The following ATP11A variants were observed in gnomAD, a reference collection of about 807,000 sequenced individuals.
The protein encoded by ATP11A is phospholipid-transporting ATPase IH.
Under a neutral mutation model 154.4 loss-of-function variants are expected in ATP11A, and 81 were observed. The ratio of observed to expected loss-of-function variants is 0.52; its 90% CI spans 0.44 to 0.63. The LOEUF (loss-of-function observed/expected upper bound fraction) is 0.63, where lower values mean the gene tolerates loss of function less well. Among genes scored for constraint, ATP11A ranks in the 30% least tolerant of loss-of-function variants. The pLI, the probability that ATP11A is intolerant of heterozygous loss-of-function variation, is 0.00. For synonymous variants in ATP11A, 623 were observed against 585.9 expected, an observed-to-expected ratio of 1.06 and a Z score of -0.91; for missense variants, 1,316 against 1,474.3, an observed-to-expected ratio of 0.89 and a Z score of 1.76.
chr13:112,778,919 C>A (rs1431199771), intron 1 of ATP11A, among the ~76,000 whole-genome samples: 3 of 115,436 alleles, frequency 2.6e-5, no homozygotes, highest in African/African-American at 1.1e-4. Flanking sequence ...AGTGAGTAGC[C>A]GCTGGAGTGA....
intron 1 of ATP11A, among the ~76,000 whole-genome samples, chr13:112,719,266 T>C (rs1210234374): frequency 2.0e-5 from 3 of 152,236 alleles, no homozygotes; most frequent in Non-Finnish European, 2.9e-5. Context: ...GTTTCAGGTA[T>C]GCAAACTGCA....
chr13:112,788,257 C>A (rs905332936), intron 2 of ATP11A, among the ~76,000 whole-genome samples: 2 of 151,076 alleles, frequency 1.3e-5, no homozygotes, highest in Non-Finnish European at 2.9e-5. Context: ...CCTGTGGAGA[C>A]CTACTTAATT....
chr13:112,759,258 A>T lies in ATP11A; in HGVS notation c.40-25877A>T, dbSNP rs117393547. Reference sequence around the variant, plus strand: ...GGCCACATCCTGCAGCCCTCTGGTGAGGTTCTTCCTGTTGCGTGCTGGGGT... The same window carrying T: ...GGCCACATCCTGCAGCCCTCTGGTGTGGTTCTTCCTGTTGCGTGCTGGGGT... On this transcript the variant is annotated intron_variant, in intron 1 of 29. Coordinates refer to ENST00000375645, the MANE Select transcript of ATP11A (RefSeq NM_015205.3). Among the ~76,000 whole-genome samples, 199 of 152,182 alleles carry T rather than the reference A, an allele frequency of 1.3e-3. 4 individuals carry two copies. In the East Asian group the frequency reaches 0.036, roughly 27 times the overall value.
At chr13:112,786,934 G>A (rs1427621256) in intron 2 of ATP11A, among the ~76,000 whole-genome samples, 2 of 150,918 alleles carry the variant, frequency 1.3e-5, no homozygotes, top group Non-Finnish European at 2.9e-5. Flanking sequence ...CTGACGTGTA[G>A]ACCCCTGTGG....
intron 1 of ATP11A, among the ~76,000 whole-genome samples, chr13:112,699,745 A>G (rs777507477): frequency 9.2e-5 from 14 of 152,332 alleles, no homozygotes; most frequent in Non-Finnish European, 1.8e-4. Flanking sequence ...GATGGTCTAC[A>G]CTGGGCCCCT....
chr13:112,800,478 A>G (rs1222409114), intron 2 of ATP11A, among the ~76,000 whole-genome samples: 5 of 152,186 alleles, frequency 3.3e-5, no homozygotes, highest in African/African-American at 1.2e-4. Flanking sequence ...GCCTACATCA[A>G]TTAAAAGAAA....
intron 2 of ATP11A, among the ~76,000 whole-genome samples, chr13:112,793,374 A>G (rs2077911789): frequency 6.6e-6 from 1 of 152,078 alleles, no homozygotes; most frequent in Non-Finnish European, 1.5e-5. Flanking sequence ...GTTAATTTTT[A>G]TGTTTTTAGC....
At chr13:112,876,773 G>A (rs572033310) in intron 28 of ATP11A, among the ~76,000 whole-genome samples, 4 of 152,324 alleles carry the variant, frequency 2.6e-5, no homozygotes, top group Non-Finnish European at 4.4e-5. Context: ...GGAGGAAGAC[G>A]GGGAGTGAGT....
chr13:112,837,539 C>T (rs2079270689), intron 16 of ATP11A, among the ~76,000 whole-genome samples: 1 of 152,230 alleles, frequency 6.6e-6, no homozygotes, highest in African/African-American at 2.4e-5. Context: ...CCGTTCAGAG[C>T]CCTCCACGCA....
At chr13:112,871,558 C>T (rs1439751895) in intron 25 of ATP11A, among the ~76,000 whole-genome samples, 177 bp from the exon 26 acceptor site, 1 of 152,104 alleles carries the variant, frequency 6.6e-6, no homozygotes, top group African/African-American at 2.4e-5. Flanking sequence ...CTGCCGTGCT[C>T]TGGGGAGTTG....
intron 17 of ATP11A, among the ~76,000 whole-genome samples, chr13:112,847,500 C>G (rs1031910106): frequency 6.6e-6 from 1 of 152,196 alleles, no homozygotes; most frequent in African/African-American, 2.4e-5. Context: ...TTCCCAGCAC[C>G]ATTTGGTGAA....
At chr13:112,866,586 G>A (rs879219336) in intron 25 of ATP11A, among the ~76,000 whole-genome samples, 5 of 103,756 alleles carry the variant, frequency 4.8e-5, no homozygotes, top group Admixed American at 2.2e-4. Flanking sequence ...TTAACTAGCC[G>A]TACAAGCAGA....
Position 112,755,133 on chromosome 13 carries a change from C to T in ATP11A, c.40-30002C>T, listed in dbSNP as rs189790421. ...GTACTTTCCGAACATTTTCACGTGTCCCCAAACAGTTACTTTTCTTTTGAT... is the reference window on the plus strand; with the variant it reads ...GTACTTTCCGAACATTTTCACGTGTTCCCAAACAGTTACTTTTCTTTTGAT... On this transcript the variant is annotated intron_variant, in intron 1 of 29. Coordinates refer to ENST00000375645, the MANE Select transcript of ATP11A (RefSeq NM_015205.3). Among the ~76,000 whole-genome samples, 34 of 151,732 alleles carry T rather than the reference C, an allele frequency of 2.2e-4. No homozygotes were observed. In the East Asian group the frequency reaches 6.0e-3, roughly 27 times the overall value.
Position 112,881,927 on chromosome 13 carries a change from T to A in ATP11A, c.*61T>A, listed in dbSNP as rs764437921. The A allele has an allele frequency of 7.3e-7, 1 of 1,365,142 alleles. No individual in the cohort carries two copies. The highest frequency in any genetic ancestry group is 1.1e-5 in the South Asian group (1 of 88,028). 84.6% of individuals were successfully genotyped at this position (1,365,142 alleles called of 1,614,324 possible). A position where few individuals can be genotyped will look rare whatever the true frequency, so the allele number is the denominator to read the frequency against. Reference sequence around the variant, plus strand: ...CTCGGCCGCCTGGTACAGCTCCCACTCTCAGCAGGTGACACTCGCGGCCTG... The same window carrying A: ...CTCGGCCGCCTGGTACAGCTCCCACACTCAGCAGGTGACACTCGCGGCCTG... On this transcript the variant is annotated 3_prime_UTR_variant, in exon 30 of 30. Transcript: ENST00000375645.
chr13:112,707,080 GC>G (rs1280147423), intron 1 of ATP11A, among the ~76,000 whole-genome samples: 10 of 152,178 alleles, frequency 6.6e-5, no homozygotes, highest in African/African-American at 2.4e-4. Context: ...CCCAGGAGCC[GC>G]TGGGAACCAC....
chr13:112,714,686 G>C (rs1888224029), intron 1 of ATP11A, among the ~76,000 whole-genome samples: 1 of 152,250 alleles, frequency 6.6e-6, no homozygotes, highest in African/African-American at 2.4e-5. Context: ...CCTTGGGCTG[G>C]AGCGGGTGGG....
intron 25 of ATP11A, among the ~76,000 whole-genome samples, chr13:112,868,226 G>A (rs549741632): frequency 2.6e-5 from 4 of 152,222 alleles, no homozygotes; most frequent in African/African-American, 4.8e-5. Context: ...CGAGCGGTCC[G>A]CGTATGGGCC....
chr13:112,836,219 G>A lies in ATP11A; in HGVS notation c.1673G>A (p.Arg558Lys). 2 of 1,612,386 alleles carry A rather than the reference G, an allele frequency of 1.2e-6. No individual in the cohort carries two copies. The highest frequency in any genetic ancestry group is 2.2e-5 in the South Asian group (2 of 90,622). The stretch of plus-strand genomic sequence containing the variant: ...ATTTTGAGTTTTGACTCAGTCAGAA[G>A]GAGAATGAGTGTAATTGTAAAATCT... ...LEILSFDSVR[R>K]RMSVIVKSAT... Residue 558 changes from arginine to lysine, a missense_variant, in exon 16 of 30, where the codon AGG becomes AAG. This residue lies in a region of ATP11A where 876 missense variants were observed against 1,006.8 expected (regional missense o/e 0.87). Coordinates refer to ENST00000375645, the MANE Select transcript of ATP11A (RefSeq NM_015205.3).
At chr13:112,808,942 G>C (rs1238793998) in intron 4 of ATP11A, among the ~76,000 whole-genome samples, 1 of 152,218 alleles carries the variant, frequency 6.6e-6, no homozygotes, top group Non-Finnish European at 1.5e-5. Flanking sequence ...TCACCGCTGG[G>C]CATTCCTGGG....
Sources: allele counts gnomAD v4.1 joint callset (sites outside exome capture counted in the v4.1 genomes callset), GRCh38; gene constraint gnomAD v4.1.1; regional missense constraint gnomAD v4.1.1; transcripts MANE v1.5; gene names NCBI Gene and HGNC (gene_info 2026-07-23, HGNC 2026-07-21).